The following WDR62 variants were observed in gnomAD, a reference collection of about 807,000 sequenced individuals.
WDR62 encodes WD repeat-containing protein 62.
In WDR62, 112 loss-of-function variants were observed where a neutral mutation model predicts 160.6. The observed-to-expected ratio is 0.70, with a 90% CI of 0.60 to 0.82. The LOEUF is 0.82. Among genes scored for constraint, WDR62 ranks in the 40% least tolerant of loss-of-function variants. The pLI, the probability that WDR62 is intolerant of heterozygous loss-of-function variation, is 0.00. For missense variants in WDR62, 1,819 were observed against 1,983.8 expected (o/e 0.92, Z 1.58); for synonymous variants, 792 against 815.1 (o/e 0.97, Z 0.48).
At position 36,099,575 on chromosome 19, in the gene WDR62, G is replaced by A. The variant is rs951707018; in HGVS notation, c.2697G>A (p.Leu899=). 2 of 1,614,110 alleles carry A rather than the reference G, an allele frequency of 1.2e-6. No homozygotes were observed. Among genetic ancestry groups the A allele is most frequent in the Non-Finnish European group, 1.7e-6 (2 of 1,180,058 alleles). The stretch of plus-strand genomic sequence containing the variant: ...CCGAGAGTCTGGAGAACTCCATTCT[G>A]GATTCACTGGAGCCACAGAGCCTGG... ...MKPESLENSI[L]DSLEPQSLAS... The change falls in exon 22 of 32, where the codon CTG becomes CTA. Residue 899 remains leucine, a synonymous_variant. Transcript: ENST00000401500.
At chr19:36,098,984 A>G (rs1355673977) in intron 21 of WDR62, among the ~76,000 whole-genome samples, 1 of 152,070 alleles carries the variant, frequency 6.6e-6, no homozygotes, top group Non-Finnish European at 1.5e-5. Context: ...TACTTTGGGA[A>G]GCCGAGGCGG....
chr19:36,101,420 C>T, intron 24 of WDR62, 103 bp downstream of exon 24: 6 of 1,110,398 alleles, frequency 5.4e-6, no homozygotes, highest in Non-Finnish European at 8.1e-6. Flanking sequence ...AGCTCAGAGT[C>T]TGTCGAGGAA....
chr19:36,066,137 T>G, intron 4 of WDR62, 120 bp from the exon 5 acceptor site: 1 of 1,578,068 alleles, frequency 6.3e-7, no homozygotes, highest in Non-Finnish European at 8.7e-7. Flanking sequence ...AACAGCCCTG[T>G]AGCAGATGGG....
intron 11 of WDR62, among the ~76,000 whole-genome samples, chr19:36,084,428 G>A (rs1277420989): frequency 6.6e-6 from 1 of 152,142 alleles, no homozygotes; most frequent in Non-Finnish European, 1.5e-5. Flanking sequence ...TTCTGGCCCA[G>A]GCACCACAAG....
chr19:36,109,781 C>T (rs1036820721), downstream of WDR62, among the ~76,000 whole-genome samples: 17 of 151,116 alleles, frequency 1.1e-4, no homozygotes, highest in Non-Finnish European at 1.6e-4. Context: ...AGGTTGGGCG[C>T]GGTGGCTCAC....
At chr19:36,096,711 AAAAAAAG>A (rs1050456736) in intron 20 of WDR62, among the ~76,000 whole-genome samples, 2 of 145,390 alleles carry the variant, frequency 1.4e-5, no homozygotes, top group Non-Finnish European at 3.0e-5. Context: ...ACTCCGTCTC[AAAAAAAG>A]AAAAAAAAAG....
chr19:36,087,649 T>C (rs1290771285), intron 13 of WDR62, among the ~76,000 whole-genome samples: 1 of 150,870 alleles, frequency 6.6e-6, no homozygotes, highest in Non-Finnish European at 1.5e-5. Context: ...AAACCCCGTC[T>C]CTACTAAAAA....
At chr19:36,069,870 C>T (rs1159196488) in intron 7 of WDR62, among the ~76,000 whole-genome samples, 4 of 152,076 alleles carry the variant, frequency 2.6e-5, no homozygotes, top group African/African-American at 7.2e-5. Context: ...TGGCGGCGCG[C>T]GCCTGCAATC....
At chr19:36,073,945 A>G (rs1971438893) in intron 9 of WDR62, 2 of 355,526 alleles carry the variant, frequency 5.6e-6, no homozygotes, top group Non-Finnish European at 1.1e-5. Flanking sequence ...CGGCAGGAAC[A>G]TGCACTCCAC....
At chr19:36,070,434 A>G (rs570045906) in intron 7 of WDR62, 1 of 152,256 alleles carries the variant, frequency 6.6e-6, no homozygotes, top group African/African-American at 2.4e-5. Flanking sequence ...GCCCGGCCAT[A>G]AACTTTTAAA....
At chr19:36,096,997 C>G (rs375888160) in intron 20 of WDR62, 30 bp from the exon 21 acceptor site, 47 of 1,598,942 alleles carry the variant, frequency 2.9e-5, no homozygotes, top group Non-Finnish European at 3.9e-5. Context: ...GGTTGTTTGT[C>G]CTCTTTTCAT....
At chr19:36,104,745 G>C (rs1599852092) in intron 31 of WDR62, 23 bp from the exon 32 acceptor site, 1 of 1,613,780 alleles carries the variant, frequency 6.2e-7, no homozygotes, top group East Asian at 2.2e-5. Flanking sequence ...GGTGGCCCCT[G>C]ACAAGGCTGG....
chr19:36,110,876 C>A, the WDR62 span, among the ~76,000 whole-genome samples: 2 of 152,070 alleles, frequency 1.3e-5, no homozygotes, highest in African/African-American at 4.8e-5. Context: ...GGAGACAGTC[C>A]CCCTGGGGCC....
At chr19:36,110,740 G>A in the WDR62 span, among the ~76,000 whole-genome samples, 4 of 152,168 alleles carry the variant, frequency 2.6e-5, no homozygotes, top group African/African-American at 9.7e-5. Context: ...ACCCTACAGA[G>A]CAGGGCAATC....
chr19:36,067,357 T>G lies in WDR62; in HGVS notation c.613T>G (p.Ser205Ala). ...GGTATCTTGTAGAGTCATTGCCCTC[T>G]CCTTCTCAGAGGACAGCAGCTATTT... Reference protein sequence around the residue: ...NKVSCRVIALSFSEDSSYFVT... With the variant: ...NKVSCRVIALAFSEDSSYFVT... Residue 205 changes from serine (S) to alanine (A), a missense_variant, in exon 6 of 32, where the codon TCC (serine) becomes GCC (alanine). Transcript: ENST00000401500. 1 of 1,614,244 alleles carries G rather than the reference T, an allele frequency of 6.2e-7. No individual in the cohort carries two copies. Among genetic ancestry groups the G allele is most frequent in the Non-Finnish European group, 8.5e-7 (1 of 1,180,042 alleles).
intron 5 of WDR62, among the ~76,000 whole-genome samples, chr19:36,066,861 C>T (rs777636627): frequency 2.6e-4 from 39 of 152,226 alleles, no homozygotes; most frequent in Middle Eastern, 3.2e-3. Context: ...ACATCTCCCC[C>T]TCTGAGCCTG....
chr19:36,067,323 C>T lies in WDR62; in HGVS notation c.579C>T (p.Ala193=), dbSNP rs747760239. 3 of 1,614,068 alleles carry T rather than the reference C, an allele frequency of 1.9e-6. No homozygotes were observed. Among genetic ancestry groups the T allele is most frequent in the African/African-American group, 1.3e-5 (1 of 74,926 alleles). The part of the protein sequence containing the change: ...VWDWKKDIVV[A]SNKVSCRVIA... ...TCTTCCAGAAAGACATCGTAGTGGC[C>T]TCCAACAAGGTATCTTGTAGAGTCA... Residue 193 remains alanine (A), a synonymous_variant, in exon 6 of 32, where the codon GCC becomes GCT. Transcript: ENST00000401500.
intron 1 of WDR62, among the ~76,000 whole-genome samples, chr19:36,055,526 C>T (rs1970316417): frequency 6.6e-6 from 1 of 152,222 alleles, no homozygotes; most frequent in African/African-American, 2.4e-5. Flanking sequence ...ATTAAGGTCC[C>T]TTCGAGGGTT....
chr19:36,073,568 C>T, intron 9 of WDR62, 37 bp downstream of exon 9: 2 of 1,457,498 alleles, frequency 1.4e-6, no homozygotes, highest in East Asian at 2.6e-5. Context: ...CCTGCTTGGC[C>T]TCTGCACAGT....
Sources: gnomAD v4.1 joint callset for allele counts (sites outside exome capture counted in the v4.1 genomes callset) on GRCh38, gnomAD v4.1.1 for gene constraint, MANE v1.5 for transcripts, NCBI Gene and HGNC (gene_info 2026-07-23, HGNC 2026-07-21) for gene names.